The following PSPC1 variants were observed in gnomAD, a reference collection of about 807,000 sequenced individuals.
PSPC1 encodes paraspeckle component 1.
Under a neutral mutation model 51.6 loss-of-function variants are expected in PSPC1, and 14 were observed. That is an observed-to-expected ratio of 0.27 (90% CI 0.18 to 0.42). The LOEUF (loss-of-function observed/expected upper bound fraction) is 0.42, where lower values mean the gene tolerates loss of function less well. Among genes scored for constraint, PSPC1 ranks in the 10% least tolerant of loss-of-function variants. The pLI, the probability that PSPC1 is intolerant of heterozygous loss-of-function variation, is 1.00. For synonymous variants in PSPC1, 193 were observed against 231.9 expected (o/e 0.83, Z 1.53); for missense variants, 406 against 701.1 (o/e 0.58, Z 4.75).
chr13:19,688,985 CATT>C (rs1878254789), intron 6 of PSPC1, among the ~76,000 whole-genome samples: 1 of 148,778 alleles, frequency 6.7e-6, no homozygotes, highest in East Asian at 1.9e-4. Flanking sequence ...AAAGGAAACT[CATT>C]GTAGTATTCC....
At chr13:19,765,328 T>TAAA (rs1325661387) in intron 2 of PSPC1, among the ~76,000 whole-genome samples, 4 of 139,282 alleles carry the variant, frequency 2.9e-5, no homozygotes, top group Non-Finnish European at 6.0e-5. Context: ...ATCTCAAAAA[T>TAAA]AATAATAATA....
chr13:19,769,643 G>A (rs1327427132), intron 2 of PSPC1, among the ~76,000 whole-genome samples: 1 of 151,278 alleles, frequency 6.6e-6, no homozygotes, highest in African/African-American at 2.4e-5. Context: ...GCTGAGCCAG[G>A]AGAATCGCTT....
At chr13:19,760,203 T>C (rs1887483690) in intron 2 of PSPC1, among the ~76,000 whole-genome samples, 1 of 152,142 alleles carries the variant, frequency 6.6e-6, no homozygotes. Context: ...CCAGTTTCCC[T>C]GTATCTATCA....
chr13:19,718,135 A>G (rs985572735), intron 6 of PSPC1, among the ~76,000 whole-genome samples: 2 of 152,200 alleles, frequency 1.3e-5, no homozygotes, highest in South Asian at 2.1e-4. Context: ...CAACCTAATC[A>G]ATAGTGAATG....
intron 3 of PSPC1, among the ~76,000 whole-genome samples, chr13:19,757,357 A>G (rs1294740380): frequency 6.6e-6 from 1 of 152,076 alleles, no homozygotes; most frequent in African/African-American, 2.4e-5. Context: ...GCCATCAAGA[A>G]ACTACCCTGC....
At chr13:19,737,971 T>C (rs1467958660) in intron 5 of PSPC1, among the ~76,000 whole-genome samples, 1 of 152,182 alleles carries the variant, frequency 6.6e-6, no homozygotes, top group Non-Finnish European at 1.5e-5. Flanking sequence ...TAAACACCTA[T>C]AGTCCCAGCT....
intron 2 of PSPC1, among the ~76,000 whole-genome samples, chr13:19,761,547 TC>T (rs1887606848): frequency 6.6e-6 from 1 of 152,146 alleles, no homozygotes; most frequent in East Asian, 1.9e-4. Context: ...AGACTTTAGA[TC>T]CTAAATGTAA....
chr13:19,757,530 A>G (rs1232838414), intron 3 of PSPC1, among the ~76,000 whole-genome samples: 1 of 152,194 alleles, frequency 6.6e-6, no homozygotes, highest in Admixed American at 6.5e-5. Context: ...GAGGCAGGAA[A>G]ATACAGTCTG....
chr13:19,713,402 A>G (rs1486290827), intron 6 of PSPC1, among the ~76,000 whole-genome samples: 1 of 152,126 alleles, frequency 6.6e-6, no homozygotes, highest in African/African-American at 2.4e-5. Flanking sequence ...AAGCTGTTGA[A>G]TAACTTAGTC....
chr13:19,693,889 C>T (rs1489836911), intron 6 of PSPC1, among the ~76,000 whole-genome samples: 3 of 151,936 alleles, frequency 2.0e-5, no homozygotes, highest in South Asian at 4.2e-4. Context: ...TTTGGGAGGC[C>T]GAGATGGGCG....
At chr13:19,746,427 A>T (rs1009887710) in intron 4 of PSPC1, among the ~76,000 whole-genome samples, 6 of 151,306 alleles carry the variant, frequency 4.0e-5, no homozygotes, top group African/African-American at 7.3e-5. Flanking sequence ...ATGTTAAAAA[A>T]AAATAAATGT....
intron 6 of PSPC1, among the ~76,000 whole-genome samples, chr13:19,684,851 T>C (rs1195746419): frequency 3.9e-5 from 6 of 152,232 alleles, no homozygotes; most frequent in Non-Finnish European, 5.9e-5. Context: ...GAATTAGAAG[T>C]GTATCCAGTA....
chr13:19,746,672 G>T (rs1162991542), intron 4 of PSPC1, among the ~76,000 whole-genome samples: 1 of 152,212 alleles, frequency 6.6e-6, no homozygotes, highest in Non-Finnish European at 1.5e-5. Flanking sequence ...CTGAACACCA[G>T]CCTGGGCAAC....
chr13:19,759,878 C>T (rs900994707), intron 2 of PSPC1, among the ~76,000 whole-genome samples: 5 of 139,902 alleles, frequency 3.6e-5, no homozygotes, highest in African/African-American at 1.3e-4. Context: ...AAAAAAAAAT[C>T]AGTCAATAAA....
intron 5 of PSPC1, among the ~76,000 whole-genome samples, chr13:19,740,086 G>C (rs1885280353): frequency 6.6e-6 from 1 of 152,114 alleles, no homozygotes; most frequent in African/African-American, 2.4e-5. Flanking sequence ...GCTCACGCCT[G>C]TAATCCCAGC....
chr13:19,766,158 T>C (rs1357899795), intron 2 of PSPC1, among the ~76,000 whole-genome samples: 1 of 152,034 alleles, frequency 6.6e-6, no homozygotes, highest in Non-Finnish European at 1.5e-5. Flanking sequence ...GGATGACTTA[T>C]GGTCAGGAGT....
chr13:19,723,740 T>C (rs1214703226), intron 6 of PSPC1, among the ~76,000 whole-genome samples: 1 of 152,246 alleles, frequency 6.6e-6, no homozygotes, highest in African/African-American at 2.4e-5. Context: ...TGTTTTTATT[T>C]GATCACAAAA....
intron 6 of PSPC1, among the ~76,000 whole-genome samples, chr13:19,721,313 G>T (rs1882739774): frequency 6.6e-6 from 1 of 152,082 alleles, no homozygotes; most frequent in Non-Finnish European, 1.5e-5. Flanking sequence ...TTATACACTA[G>T]ACAATGCACA....
intron 7 of PSPC1, among the ~76,000 whole-genome samples, chr13:19,676,259 A>G (rs1593503464): frequency 6.6e-6 from 1 of 152,280 alleles, no homozygotes; most frequent in South Asian, 2.1e-4. Context: ...AACTTCAATA[A>G]AATCTCCATA....
Sources: gnomAD v4.1 joint callset for allele counts (sites outside exome capture counted in the v4.1 genomes callset) on GRCh38, gnomAD v4.1.1 for gene constraint, MANE v1.5 for transcripts, NCBI Gene and HGNC (gene_info 2026-07-23, HGNC 2026-07-21) for gene names.